Variants in GSE1 observed in about 807,000 individuals in gnomAD.
GSE1 encodes the protein genetic suppressor element 1.
In GSE1, 32 loss-of-function variants were observed where a neutral mutation model predicts 112.6. The ratio of observed to expected loss-of-function variants is 0.28; its 90% CI spans 0.21 to 0.38. The LOEUF (loss-of-function observed/expected upper bound fraction) is 0.38, where lower values mean the gene tolerates loss of function less well. GSE1 is among the 10% of genes least tolerant of loss of function. The pLI, the probability that GSE1 is intolerant of heterozygous loss-of-function variation, is 1.00. For synonymous variants in GSE1, 1,115 were observed against 735.6 expected (o/e 1.52, Z -8.35); for missense variants, 2,348 against 1,699.2 (o/e 1.38, Z -6.71).
chr16:85,432,731 T>G (rs1361836332), intron 2 of GSE1, among the ~76,000 whole-genome samples: 1 of 152,174 alleles, frequency 6.6e-6, no homozygotes, highest in Non-Finnish European at 1.5e-5. Flanking sequence ...TCTGCAATGC[T>G]TCCAACAGTC....
At chr16:85,390,324 C>T (rs1453413410) in intron 2 of GSE1, among the ~76,000 whole-genome samples, 1 of 152,016 alleles carries the variant, frequency 6.6e-6, no homozygotes, top group African/African-American at 2.4e-5. Context: ...TGTCCAGCAA[C>T]AGACGGGGAC....
chr16:85,661,540 G>C lies in GSE1; in HGVS notation c.2035G>C (p.Glu679Gln), dbSNP rs77405156. Residue 679 changes from glutamate (E) to glutamine (Q), a missense_variant, in exon 9 of 16, where the codon GAG becomes CAG. Transcript: ENST00000253458. ...GCCCGGGCCCTTCCTGGCTGAGCTC[G>C]AGAAGTCCACCCAGACCATCCTGGG... Reference protein sequence around the residue: ...PGPGPFLAELEKSTQTILGQQ... With the variant: ...PGPGPFLAELQKSTQTILGQQ... The C allele has an allele frequency of 4.3e-6, 7 of 1,611,838 alleles. No individual in the cohort carries two copies. Among genetic ancestry groups the C allele is most frequent in the Middle Eastern group, 1.6e-4 (1 of 6,080 alleles).
intron 1 of GSE1, among the ~76,000 whole-genome samples, chr16:85,206,273 G>A (rs1229114963): frequency 6.6e-6 from 1 of 152,126 alleles, no homozygotes; most frequent in Non-Finnish European, 1.5e-5. Flanking sequence ...GGGGAAGCCC[G>A]GGCCGGAGAC....
In GSE1 at chr16:85,625,612, C is replaced by T. The variant is rs533560773; in HGVS notation, c.8-8302C>T. Among the ~76,000 whole-genome samples the T allele has an allele frequency of 4.1e-4, 62 of 152,300 alleles. No individual in the cohort carries two copies. The East Asian group carries it at 0.012, about 29-fold the overall frequency. ...CCCGTGTTCTTCTGCAGAACACGGC[C>T]TCCTTTGTGTTCCCAGCATGGCAGT... On this transcript the variant is annotated intron_variant, in intron 1 of 15. Transcript: ENST00000253458.
chr16:85,530,332 G>GCGC (rs1423367374), intron 2 of GSE1, among the ~76,000 whole-genome samples: 1 of 152,232 alleles, frequency 6.6e-6, no homozygotes, highest in Non-Finnish European at 1.5e-5. Flanking sequence ...GGGAGCAAGG[G>GCGC]CGCGAATGTA....
chr16:85,429,955 G>A (rs931537465), intron 2 of GSE1, among the ~76,000 whole-genome samples: 2 of 152,246 alleles, frequency 1.3e-5, no homozygotes, highest in Non-Finnish European at 2.9e-5. Flanking sequence ...TCCCAGGACT[G>A]TGAACAGAGC....
chr16:85,532,879 C>T (rs1400830921), intron 2 of GSE1, among the ~76,000 whole-genome samples: 3 of 152,214 alleles, frequency 2.0e-5, no homozygotes, highest in Admixed American at 6.5e-5. Flanking sequence ...GCAAGTCCTG[C>T]GCCTGTGGCC....
intron 2 of GSE1, among the ~76,000 whole-genome samples, chr16:85,472,260 T>C (rs7193174): frequency 0.82 from 124,991 of 152,186 alleles, 51,602 homozygotes; most frequent in East Asian, 0.98. Flanking sequence ...TTTGATAGCT[T>C]TACAGACCAG....
chr16:85,642,284 C>T lies in GSE1; in HGVS notation c.227-6268C>T, dbSNP rs530902222. On this transcript the variant is annotated intron_variant, in intron 2 of 15. Transcript: ENST00000253458. ...CATGATCACACTGCTGCACTCCAGC[C>T]TGGGTGACAGAGAGAGACCCTGTCT... Among the ~76,000 whole-genome samples, 4 of 152,332 alleles carry T rather than the reference C, an allele frequency of 2.6e-5. No individual in the cohort carries two copies. The South Asian group carries it at 8.3e-4, about 32-fold the overall frequency.
upstream of GSE1, chr16:85,555,569 GC>G: frequency 1.1e-6 from 1 of 916,284 alleles, no homozygotes; most frequent in Non-Finnish European, 1.3e-6. Context: ...TCTCCCGCTC[GC>G]CCCCTCCTCC....
intron 1 of GSE1, among the ~76,000 whole-genome samples, chr16:85,288,033 A>G (rs1160788446): frequency 1.3e-5 from 2 of 152,212 alleles, no homozygotes; most frequent in Non-Finnish European, 2.9e-5. Flanking sequence ...TGAGGTTAGG[A>G]GTTCGAGACC....
chr16:85,310,175 G>A (rs572816564), intron 1 of GSE1, among the ~76,000 whole-genome samples: 1 of 152,210 alleles, frequency 6.6e-6, no homozygotes, highest in South Asian at 2.1e-4. Context: ...ACCTGCTCCC[G>A]CTGGCGCCCC....
At chr16:85,248,211 G>T (rs1906073960) in intron 1 of GSE1, among the ~76,000 whole-genome samples, 1 of 152,146 alleles carries the variant, frequency 6.6e-6, no homozygotes, top group South Asian at 2.1e-4. Context: ...CCCTCAGAGA[G>T]TCTTCACAGC....
intron 1 of GSE1, among the ~76,000 whole-genome samples, chr16:85,289,110 A>G (rs574655379): frequency 1.3e-5 from 2 of 152,290 alleles, no homozygotes; most frequent in Admixed American, 6.5e-5. Context: ...TCTTCAAATA[A>G]TCTTTGGCAC....
chr16:85,570,531 C>T (rs1433499292), intron 1 of GSE1, among the ~76,000 whole-genome samples: 4 of 152,250 alleles, frequency 2.6e-5, no homozygotes, highest in African/African-American at 9.6e-5. Context: ...ACCTGCCTGG[C>T]TTTTCATCTG....
chr16:85,671,239 G>C (rs922378334), intron 15 of GSE1, 141 bp downstream of exon 15: 2 of 527,354 alleles, frequency 3.8e-6, no homozygotes, highest in Non-Finnish European at 6.8e-6. Context: ...AGGAGATCGA[G>C]ACCATCCCGG....
At chr16:85,651,339 C>T (rs1485540620) in intron 3 of GSE1, among the ~76,000 whole-genome samples, 2 of 152,000 alleles carry the variant, frequency 1.3e-5, no homozygotes, top group Non-Finnish European at 1.5e-5. Context: ...GGCCGGGCGC[C>T]AGCCAGACGG....
Position 85,671,571 on chromosome 16 carries a change from A to G in GSE1, c.3519+473A>G, listed in dbSNP as rs1396602157. Among the ~76,000 whole-genome samples, 3 of 152,000 alleles carry G rather than the reference A, an allele frequency of 2.0e-5. 1 individual carries two copies. The East Asian group carries it at 5.8e-4, about 29-fold the overall frequency. On this transcript the variant is annotated intron_variant, in intron 15 of 15. Coordinates refer to ENST00000253458, the MANE Select transcript of GSE1 (RefSeq NM_014615.5). ...CAAGGCTGCAGTGAGCTCTGACCACACCAGTGCACTCCAGCCTGGTTGACA... is the reference window on the plus strand; with the variant it reads ...CAAGGCTGCAGTGAGCTCTGACCACGCCAGTGCACTCCAGCCTGGTTGACA...
intron 2 of GSE1, among the ~76,000 whole-genome samples, chr16:85,512,789 C>G (rs976913104): frequency 6.6e-6 from 1 of 152,122 alleles, no homozygotes; most frequent in Admixed American, 6.5e-5. Flanking sequence ...GAGACAGAAG[C>G]TAATTTAATC....
Sources: gnomAD v4.1 joint callset for allele counts (sites outside exome capture counted in the v4.1 genomes callset) on GRCh38, gnomAD v4.1.1 for gene constraint, MANE v1.5 for transcripts, NCBI Gene and HGNC (gene_info 2026-07-23, HGNC 2026-07-21) for gene names.